Variants in SHANK2 observed in about 807,000 individuals in gnomAD.
SHANK2 encodes SH3 and multiple ankyrin repeat domains 2.
Under a neutral mutation model 133.7 loss-of-function variants are expected in SHANK2, and 43 were observed. The ratio of observed to expected loss-of-function variants is 0.32; its 90% CI spans 0.25 to 0.41. SHANK2 has a LOEUF of 0.41. SHANK2 is among the 10% of genes least tolerant of loss of function. SHANK2 has a pLI of 1.00. For synonymous variants in SHANK2, 1,017 were observed against 952.8 expected (o/e 1.07, Z -1.24); for missense variants, 1,994 against 2,235.8 (o/e 0.89, Z 2.18).
intron 17 of SHANK2, among the ~76,000 whole-genome samples, chr11:70,597,479 A>T (rs571904516): frequency 6.6e-6 from 1 of 151,248 alleles, no homozygotes; most frequent in Non-Finnish European, 1.5e-5. Flanking sequence ...GGTAGAGAGG[A>T]TAGAGAGGGT....
intron 14 of SHANK2, among the ~76,000 whole-genome samples, chr11:70,778,062 C>T (rs187632008): frequency 1.3e-4 from 20 of 152,362 alleles, no homozygotes; most frequent in African/African-American, 4.3e-4. Flanking sequence ...CCTCTCATAG[C>T]AGCCCTGTGG....
rs2058849363 is a variant in SHANK2, at chr11:70,488,980, C to T, written c.2572+348G>A. 3 of 337,716 alleles carry T rather than the reference C, an allele frequency of 8.9e-6. 1 individual carries two copies. Among genetic ancestry groups the T allele is most frequent in the South Asian group, 5.2e-5 (2 of 38,140 alleles). The allele number at this position is 337,716 out of a possible 1,614,324, so 20.9% of individuals were successfully genotyped here. ...AGAAGGGAAGCGAGACACGCACACA[C>T]ACCGACAGACGCGTGGCACAGGGAT... On this transcript the variant is annotated intron_variant, in intron 24 of 25. Transcript: ENST00000601538.
At chr11:71,164,370 C>T (rs1269451894) in intron 2 of SHANK2, among the ~76,000 whole-genome samples, 1 of 152,184 alleles carries the variant, frequency 6.6e-6, no homozygotes, top group Non-Finnish European at 1.5e-5. Flanking sequence ...GCAACCTAGG[C>T]CACTGCAGAG....
intron 14 of SHANK2, among the ~76,000 whole-genome samples, chr11:70,768,965 C>G (rs1555042028): frequency 6.6e-6 from 1 of 152,146 alleles, no homozygotes; most frequent in African/African-American, 2.4e-5. Context: ...GGTGTCTGCA[C>G]AGGTGGCCGA....
At chr11:70,887,153 C>A (rs991952596) in intron 11 of SHANK2, among the ~76,000 whole-genome samples, 1 of 152,170 alleles carries the variant, frequency 6.6e-6, no homozygotes, top group Non-Finnish European at 1.5e-5. Context: ...CCCCGGCACC[C>A]GGACAGTCTT....
intron 17 of SHANK2, among the ~76,000 whole-genome samples, chr11:70,541,213 C>T (rs552767934): frequency 6.6e-6 from 1 of 152,342 alleles, no homozygotes; most frequent in African/African-American, 2.4e-5. Context: ...TCGGGATACA[C>T]CACATTTGCC....
At chr11:70,764,187 C>T (rs1174296313) in intron 14 of SHANK2, among the ~76,000 whole-genome samples, 2 of 145,814 alleles carry the variant, frequency 1.4e-5, no homozygotes, top group African/African-American at 5.1e-5. Flanking sequence ...TTCACCCACC[C>T]ACCCATCCAC....
chr11:70,605,948 TC>T lies in SHANK2; in HGVS notation c.2061+53879del, dbSNP rs199991331. The stretch of plus-strand genomic sequence containing the variant: ...TGACCCTTCTAGAACAACCTATTAT[TC>T]CCCCCCCTCCTTGGGGTAAAAAGAT... On this transcript the variant is annotated intron_variant, in intron 17 of 25. Coordinates refer to ENST00000601538, the MANE Select transcript of SHANK2 (RefSeq NM_012309.5). 8.9e-4 allele frequency among the ~76,000 whole-genome samples: 134 copies of T among 149,888 alleles called. 4 individuals carry two copies. The East Asian group carries it at 0.025, about 28-fold the overall frequency.
At chr11:70,586,526 C>T (rs1257075655) in intron 17 of SHANK2, among the ~76,000 whole-genome samples, 1 of 152,182 alleles carries the variant, frequency 6.6e-6, no homozygotes, top group East Asian at 1.9e-4. Context: ...ACACACTACT[C>T]TTCACAGAGA....
chr11:70,633,622 G>C (rs1213740484), intron 17 of SHANK2: 1 of 152,210 alleles, frequency 6.6e-6, no homozygotes, highest in Non-Finnish European at 1.5e-5. Context: ...GGCATGCCAG[G>C]ATTAGGAAGT....
chr11:70,896,435 A>T, intron 11 of SHANK2, 66 bp downstream of exon 11: 1 of 665,222 alleles, frequency 1.5e-6, no homozygotes, highest in Non-Finnish European at 2.8e-6. Flanking sequence ...AAAGCTGGTG[A>T]GTGACTGATT....
At chr11:71,178,984 A>AAT (rs2135538465) in intron 2 of SHANK2, among the ~76,000 whole-genome samples, 1 of 151,504 alleles carries the variant, frequency 6.6e-6, no homozygotes, top group East Asian at 1.9e-4. Flanking sequence ...CTTCGTCTGA[A>AAT]GTGAATGAAT....
Position 71,085,657 on chromosome 11 carries a change from TTATATTA to T in SHANK2, c.912+6758_912+6764del, listed in dbSNP as rs1388966229. Among the ~76,000 whole-genome samples the T allele has an allele frequency of 2.6e-3, 38 of 14,682 alleles. 1 individual carries two copies. Among genetic ancestry groups the T allele is most frequent in the Non-Finnish European group, 0.011 (35 of 3,264 alleles). 9.6% of individuals were successfully genotyped at this position (14,682 alleles called of 152,430 possible). The stretch of plus-strand genomic sequence containing the variant: ...TATATATAATATATTATGTTATATA[TTATATTA>T]TATATGTTATATATATAATATAATA... On this transcript the variant is annotated intron_variant, in intron 8 of 25. Transcript: ENST00000601538.
intron 14 of SHANK2, among the ~76,000 whole-genome samples, chr11:70,766,171 T>C (rs1555041324): frequency 6.6e-6 from 1 of 152,246 alleles, no homozygotes; most frequent in African/African-American, 2.4e-5. Context: ...GGAACGCAGA[T>C]ACAATGGCTG....
chr11:70,876,134 C>T (rs376352618), intron 11 of SHANK2, among the ~76,000 whole-genome samples: 3 of 149,862 alleles, frequency 2.0e-5, no homozygotes, highest in African/African-American at 7.4e-5. Flanking sequence ...CCAGCCTGGG[C>T]AACAAGAGTG....
chr11:71,239,333 C>T (rs149719605), intron 1 of SHANK2, among the ~76,000 whole-genome samples: 48 of 152,338 alleles, frequency 3.2e-4, no homozygotes, highest in African/African-American at 1.1e-3. Flanking sequence ...TCCTGGCTCA[C>T]AGCAGGTACT....
chr11:70,757,017 C>T (rs941848006), intron 14 of SHANK2, among the ~76,000 whole-genome samples: 2 of 152,158 alleles, frequency 1.3e-5, no homozygotes, highest in Non-Finnish European at 2.9e-5. Flanking sequence ...TGATATTGGA[C>T]GTTTGGCAAG....
chr11:71,154,948 G>A (rs1555108779), intron 2 of SHANK2, among the ~76,000 whole-genome samples: 1 of 126,824 alleles, frequency 7.9e-6, no homozygotes. Context: ...CCAGAGGAGG[G>A]ATGGACCTAC....
intron 8 of SHANK2, among the ~76,000 whole-genome samples, chr11:71,087,968 G>T (rs1177584060): frequency 6.6e-6 from 1 of 152,138 alleles, no homozygotes; most frequent in African/African-American, 2.4e-5. Flanking sequence ...TCTGTCCTGT[G>T]CCTGGAGGAC....
Sources: allele counts gnomAD v4.1 joint callset (sites outside exome capture counted in the v4.1 genomes callset), GRCh38; gene constraint gnomAD v4.1.1; transcripts MANE v1.5; gene names NCBI Gene and HGNC (gene_info 2026-07-23, HGNC 2026-07-21).